Variants in JARID2 observed in about 807,000 individuals in gnomAD.
JARID2 encodes jumonji and AT-rich interaction domain containing 2, also known as protein Jumonji.
Under a neutral mutation model 125.6 loss-of-function variants are expected in JARID2, and 21 were observed. The ratio of observed to expected loss-of-function variants is 0.17; its 90% CI spans 0.12 to 0.24. JARID2 has a LOEUF of 0.24. JARID2 is among the 10% of genes least tolerant of loss of function. The pLI, the probability that JARID2 is intolerant of heterozygous loss-of-function variation, is 1.00. For missense variants in JARID2, 1,303 were observed against 1,639.6 expected (o/e 0.79, Z 3.55); for synonymous variants, 736 against 661.6 (o/e 1.11, Z -1.73).
rs538674872 is a variant in JARID2, at chr6:15,350,730, G to GTTT, written c.46-23370_46-23368dup. Among the ~76,000 whole-genome samples, 359 of 130,388 alleles carry GTTT rather than the reference G, an allele frequency of 2.8e-3. 2 individuals are homozygous for GTTT. The highest frequency in any genetic ancestry group is 9.5e-3 in the African/African-American group (338 of 35,412). 85.5% of individuals were successfully genotyped at this position (130,388 alleles called of 152,430 possible). ...TTTCAATGCCAAATCATAGTTTAAGGTTTTTTTTTTTTTTTTTTTGAATTA... is the reference window on the plus strand; with the variant it reads ...TTTCAATGCCAAATCATAGTTTAAGGTTTTTTTTTTTTTTTTTTTTTTGAATTA... On this transcript the variant is annotated intron_variant, in intron 1 of 17. Coordinates refer to ENST00000341776, the MANE Select transcript of JARID2 (RefSeq NM_004973.4).
At chr6:15,311,322 AAT>A (rs1762003937) in intron 1 of JARID2, among the ~76,000 whole-genome samples, 5 of 152,204 alleles carry the variant, frequency 3.3e-5, no homozygotes, top group African/African-American at 4.8e-5. Context: ...TCATGCCTGT[AAT>A]CCCAAAACTT....
intron 1 of JARID2, among the ~76,000 whole-genome samples, chr6:15,298,423 C>T (rs1006740944): frequency 4.6e-5 from 7 of 151,844 alleles, no homozygotes; most frequent in East Asian, 1.9e-4. Context: ...CGGTGGTTCA[C>T]GCCTGTAATC....
At chr6:15,370,395 G>C (rs1423278398) in intron 1 of JARID2, among the ~76,000 whole-genome samples, 1 of 141,970 alleles carries the variant, frequency 7.0e-6, no homozygotes, top group Non-Finnish European at 1.5e-5. Flanking sequence ...GCAGTGGCAC[G>C]ATCTCTGCAC....
Position 15,504,430 on chromosome 6 carries a change from G to C in JARID2, c.2449-70G>C. 7.9e-6 allele frequency: 9 copies of C among 1,138,346 alleles called. No homozygotes were observed. The South Asian group carries it at 8.7e-5, about 11-fold the overall frequency. The allele number at this position is 1,138,346 out of a possible 1,614,324, so 70.5% of individuals were successfully genotyped here. On this transcript the variant is annotated intron_variant, in intron 8 of 17. Transcript: ENST00000341776. ...GCCAAGGGGCAGCGGCCCATGACAGGTGTCTGGCCTCATTTGCAGTAGGGT... is the reference window on the plus strand; with the variant it reads ...GCCAAGGGGCAGCGGCCCATGACAGCTGTCTGGCCTCATTTGCAGTAGGGT...
At chr6:15,291,946 A>C (rs961042897) in intron 1 of JARID2, among the ~76,000 whole-genome samples, 6 of 152,012 alleles carry the variant, frequency 3.9e-5, no homozygotes, top group African/African-American at 1.2e-4. Context: ...AAATTTTTTG[A>C]AACCTCTCTC....
At chr6:15,256,512 C>T (rs1467928306) in intron 1 of JARID2, among the ~76,000 whole-genome samples, 1 of 152,200 alleles carries the variant, frequency 6.6e-6, no homozygotes, top group Non-Finnish European at 1.5e-5. Context: ...TTTAGTGGCT[C>T]TCTGGTCCTC....
intron 3 of JARID2, among the ~76,000 whole-genome samples, chr6:15,422,546 A>G (rs888357433): frequency 6.6e-6 from 1 of 152,154 alleles, no homozygotes; most frequent in African/African-American, 2.4e-5. Context: ...CATGCTGCTC[A>G]TCGACATTCG....
At chr6:15,311,269 A>G (rs1047264332) in intron 1 of JARID2, among the ~76,000 whole-genome samples, 3 of 152,122 alleles carry the variant, frequency 2.0e-5, no homozygotes, top group Non-Finnish European at 4.4e-5. Flanking sequence ...TCTCTGGTAC[A>G]CTTTTACATT....
At chr6:15,320,852 C>CTGTGTGTGTGTGTGTGTGTGTGTGTG (rs71944757) in intron 1 of JARID2, among the ~76,000 whole-genome samples, 1 of 145,314 alleles carries the variant, frequency 6.9e-6, no homozygotes, top group African/African-American at 2.5e-5. Context: ...CTCTCTCTCT[C>CTGTGTGTGTGTGTGTGTGTGTGTGTG]TGTGTGTGTG....
intron 2 of JARID2, among the ~76,000 whole-genome samples, chr6:15,382,789 T>G (rs1764640080): frequency 6.6e-6 from 1 of 152,238 alleles, no homozygotes; most frequent in African/African-American, 2.4e-5. Context: ...TGGAGGTGCC[T>G]GAGGAGGTTA....
rs539949684 is a variant in JARID2, at chr6:15,394,669, C to A, written c.182-15555C>A. On this transcript the variant is annotated intron_variant, in intron 2 of 17. Transcript: ENST00000341776. ...AACCTGACAGTTTGGTAAATGTTAC[C>A]TTTGTATGTTTTGAAATTGTACTGG... Among the ~76,000 whole-genome samples the A allele has an allele frequency of 3.9e-5, 6 of 152,224 alleles. No homozygotes were observed. The South Asian group carries it at 1.2e-3, about 32-fold the overall frequency.
rs6903165 is a variant in JARID2 at position 15,265,754 on chromosome 6, T to C, written c.45+19170T>C. Reference sequence around the variant, plus strand: ...GGACCTGATGAGCCCGGGCAGCATGTTCACTTGCTTTTGGACTGGGCAAGC... The same window carrying C: ...GGACCTGATGAGCCCGGGCAGCATGCTCACTTGCTTTTGGACTGGGCAAGC... On this transcript the variant is annotated intron_variant, in intron 1 of 17. Coordinates refer to ENST00000341776, the MANE Select transcript of JARID2 (RefSeq NM_004973.4). Among the ~76,000 whole-genome samples the C allele has an allele frequency of 5.3e-3, 811 of 152,242 alleles. 7 individuals carry two copies. The highest frequency in any genetic ancestry group is 0.017 in the African/African-American group (703 of 41,542).
At chr6:15,363,152 C>T (rs577204627) in intron 1 of JARID2, among the ~76,000 whole-genome samples, 9 of 152,114 alleles carry the variant, frequency 5.9e-5, no homozygotes, top group South Asian at 2.1e-4. Context: ...GTCCAGTTGC[C>T]GATAAAAAGT....
In JARID2 at chr6:15,504,481, G is replaced by GT; in HGVS notation, c.2449-13dup. ...TCAGCTTTGCTTCTGAAGCTTTACT[G>GT]TTTTTTGTTTTGTTTCAGGGAAGGT... On this transcript the variant is annotated intron_variant, in intron 8 of 17. Coordinates refer to ENST00000341776, the MANE Select transcript of JARID2 (RefSeq NM_004973.4). The GT allele has an allele frequency of 1.3e-6, 2 of 1,586,574 alleles. No homozygotes were observed. Among genetic ancestry groups the GT allele is most frequent in the African/African-American group, 1.3e-5 (1 of 74,490 alleles).
intron 1 of JARID2, among the ~76,000 whole-genome samples, chr6:15,326,891 C>T (rs1282598735): frequency 2.0e-5 from 3 of 152,226 alleles, no homozygotes; most frequent in Admixed American, 6.5e-5. Context: ...CAGATTTCCC[C>T]TACTGTCAGT....
In JARID2 at chr6:15,416,605, G is replaced by T. The variant is rs866258869; in HGVS notation, c.323+6240G>T. Reference sequence around the variant, plus strand: ...CGGCAGGCTGAGGCAGGAGAATCAGGCAGGGAGGCTGCAGTGAGCCGAGAT... The same window carrying T: ...CGGCAGGCTGAGGCAGGAGAATCAGTCAGGGAGGCTGCAGTGAGCCGAGAT... On this transcript the variant is annotated intron_variant, in intron 3 of 17. Coordinates refer to ENST00000341776, the MANE Select transcript of JARID2 (RefSeq NM_004973.4). Among the ~76,000 whole-genome samples, 598 of 152,244 alleles carry T rather than the reference G, an allele frequency of 3.9e-3. 4 individuals carry two copies. The highest frequency in any genetic ancestry group is 0.024 in the Middle Eastern group (7 of 294).
chr6:15,475,817 A>G (rs2064100), intron 5 of JARID2, among the ~76,000 whole-genome samples: 120,252 of 152,164 alleles, frequency 0.79, 47,572 homozygotes, highest in African/African-American at 0.83. Flanking sequence ...ACATTCAAAT[A>G]TAGAGGCAGA....
At chr6:15,476,804 C>G (rs1561889856) in intron 5 of JARID2, among the ~76,000 whole-genome samples, 1 of 152,164 alleles carries the variant, frequency 6.6e-6, no homozygotes, top group Non-Finnish European at 1.5e-5. Flanking sequence ...AATCAGAACA[C>G]TGCTTCATGG....
chr6:15,372,535 G>GT (rs1195502914), intron 1 of JARID2, among the ~76,000 whole-genome samples: 4 of 151,244 alleles, frequency 2.6e-5, no homozygotes, highest in Non-Finnish European at 5.9e-5. Flanking sequence ...AATTTTTGTA[G>GT]TTTTTTAGTA....
Sources: gnomAD v4.1 joint callset for allele counts (sites outside exome capture counted in the v4.1 genomes callset) on GRCh38, gnomAD v4.1.1 for gene constraint, MANE v1.5 for transcripts, NCBI Gene and HGNC (gene_info 2026-07-23, HGNC 2026-07-21) for gene names.